FATE1: variants seen among roughly 807,000 people sequenced by gnomAD.
The protein encoded by FATE1 is fetal and adult testis-expressed transcript protein.
Under a neutral mutation model 16.0 loss-of-function variants are expected in FATE1, and 18 were observed. That is an observed-to-expected ratio of 1.12 (90% CI 0.78 to 1.66). FATE1 has a LOEUF of 1.66. Among genes scored for constraint, FATE1 ranks in the 40% most tolerant of loss-of-function variants. FATE1 has a pLI of 0.00. For synonymous variants in FATE1, 76 were observed against 56.9 expected, an observed-to-expected ratio of 1.34 and a Z score of -1.51; for missense variants, 169 against 152.7, an observed-to-expected ratio of 1.11 and a Z score of -0.56.
intron 2 of FATE1, among the ~76,000 whole-genome samples, chrX:151,719,202 T>A (rs955854360): frequency 9.0e-6 from 1 of 110,988 alleles, no homozygotes; most frequent in Non-Finnish European, 1.9e-5. Flanking sequence ...ACTAATTCTA[T>A]TTATTTATTA....
rs2015131492 is a variant in FATE1, at chrX:151,722,905, C to G, written c.*146C>G. On this transcript the variant is annotated 3_prime_UTR_variant, in exon 5 of 5. Transcript: ENST00000370350. ...ATCATTTTCAACTCTGGTTAGGCCTCCTACCTGGGGAGGCCAGGTCACTGC... is the reference window on the plus strand; with the variant it reads ...ATCATTTTCAACTCTGGTTAGGCCTGCTACCTGGGGAGGCCAGGTCACTGC... 1.3e-6 allele frequency: 1 copy of G among 794,098 alleles called. No individual in the cohort carries two copies. Among genetic ancestry groups the G allele is most frequent in the Non-Finnish European group, 1.7e-6 (1 of 573,829 alleles). The allele number at this position is 794,098 out of a possible 1,213,427, so 65.4% of individuals were successfully genotyped here.
At chrX:151,720,137 C>G (rs1274881871) in intron 2 of FATE1, among the ~76,000 whole-genome samples, 4 of 111,760 alleles carry the variant, frequency 3.6e-5, no homozygotes, top group Non-Finnish European at 7.5e-5. Flanking sequence ...GTGTGGATGA[C>G]TGCTTCCTAC....
intron 2 of FATE1, among the ~76,000 whole-genome samples, chrX:151,718,101 A>G (rs892696547): frequency 1.1e-5 from 1 of 88,846 alleles, no homozygotes; most frequent in Admixed American, 1.4e-4. Flanking sequence ...AAAGAAAGAA[A>G]GAGAGAGAGA....
intron 2 of FATE1, among the ~76,000 whole-genome samples, chrX:151,720,585 T>C (rs183199316): frequency 0.01 from 1,122 of 111,974 alleles, 8 homozygotes; most frequent in Non-Finnish European, 0.015. Context: ...TGTGTTTCAG[T>C]TTCCCCTACT....
At chrX:151,716,262 A>G (rs1261225984) in intron 1 of FATE1, 37 bp downstream of exon 1, 4 of 1,087,675 alleles carry the variant, frequency 3.7e-6, no homozygotes, top group East Asian at 3.3e-5. Flanking sequence ...GCTACAGCCA[A>G]CTGTGTAGAT....
rs1569424947 is a variant in FATE1, at chrX:151,718,156, GGAAGGAAGGAAGGA to G, written c.234+758_234+771del. ...AGGAAGGAAGGAAGGAAGGAAGGAAGGAAGGAAGGAAGGAAGGGGAAAAGAAAGGAAAAGGAAAG... is the reference window on the plus strand; with the variant it reads ...AGGAAGGAAGGAAGGAAGGAAGGAAGAGGGGAAAAGAAAGGAAAAGGAAAG... On this transcript the variant is annotated intron_variant, in intron 2 of 4. Transcript: ENST00000370350. 2.0e-3 allele frequency among the ~76,000 whole-genome samples: 178 copies of G among 87,362 alleles called. 4 individuals are homozygous for G. The highest frequency in any genetic ancestry group is 7.0e-3 in the African/African-American group (166 of 23,618). The allele number at this position is 87,362 out of a possible 115,157, so 75.9% of individuals were successfully genotyped here.
chrX:151,722,054 G>T, intron 4 of FATE1, 73 bp downstream of exon 4: 1 of 940,870 alleles, frequency 1.1e-6, no homozygotes, highest in Non-Finnish European at 1.5e-6. Flanking sequence ...CGACAGCTGG[G>T]GTCCTGTAGT....
intron 2 of FATE1, among the ~76,000 whole-genome samples, chrX:151,720,040 T>G (rs774629088): frequency 9.2e-4 from 103 of 112,132 alleles, no homozygotes; most frequent in Non-Finnish European, 1.7e-3. Context: ...GGTTTTATTT[T>G]GTGTCACTTT....
In FATE1 at chrX:151,721,906, C is replaced by T; in HGVS notation, c.345C>T (p.Asn115=). Residue 115 remains asparagine, a synonymous_variant, in exon 4 of 5, where the codon AAC becomes AAT. Transcript: ENST00000370350. ...FQGIRFHYDR[N]PGTDAVAQTS... ...ATCTGTCTTTTTTCTCTCCCAGCAA[C>T]CCAGGGACAGATGCAGTGGCGCAGA... The T allele has an allele frequency of 8.3e-7, 1 of 1,210,333 alleles. No individual in the cohort carries two copies. Among genetic ancestry groups the T allele is most frequent in the Non-Finnish European group, 1.1e-6 (1 of 894,509 alleles).
In FATE1 at chrX:151,722,536, T is replaced by C. The variant is rs772582296; in HGVS notation, c.421-92T>C. On this transcript the variant is annotated intron_variant, in intron 4 of 4. Transcript: ENST00000370350. ...ACCGCCAAAGGGCAATCAAGCCCCT[T>C]CTTGCTCTAACTTTATGCTTTTCCC... 4.8e-5 allele frequency: 56 copies of C among 1,165,816 alleles called. No individual in the cohort carries two copies. The Middle Eastern group carries it at 9.7e-4, about 20-fold the overall frequency.
In FATE1 at chrX:151,722,689, G is replaced by A. The variant is rs771134641; in HGVS notation, c.482G>A (p.Arg161Lys). 57 of 1,211,188 alleles carry A rather than the reference G, an allele frequency of 4.7e-5. No homozygotes were observed. Among genetic ancestry groups the A allele is most frequent in the Admixed American group, 1.1e-4 (5 of 46,067 alleles). The change falls in exon 5 of 5, where the codon AGG (arginine) becomes AAG (lysine). Residue 161 changes from arginine to lysine, a missense_variant. Transcript: ENST00000370350. ...LEEQGATWRH[R>K]ETLIIAVLVS... The stretch of plus-strand genomic sequence containing the variant: ...GAACAGGGCGCCACCTGGCGCCACA[G>A]GGAGACCCTGATCATCGCCGTGCTG...
chrX:151,718,239 GAGAGAA>G (rs2015084014), intron 2 of FATE1, among the ~76,000 whole-genome samples: 1 of 110,757 alleles, frequency 9.0e-6, no homozygotes, highest in African/African-American at 3.3e-5. Flanking sequence ...AAGAAAGAAA[GAGAGAA>G]AGAAAGAAAG....
At chrX:151,718,257 AAGAG>A (rs753308466) in intron 2 of FATE1, among the ~76,000 whole-genome samples, 8 of 111,592 alleles carry the variant, frequency 7.2e-5, no homozygotes, top group Non-Finnish European at 1.5e-4. Context: ...GAAAGAAAGA[AAGAG>A]AAAGAAGAAA....
intron 4 of FATE1, 102 bp downstream of exon 4, chrX:151,722,083 C>A: frequency 1.6e-5 from 12 of 736,724 alleles, no homozygotes; most frequent in Non-Finnish European, 2.5e-5. Context: ...GTCATCTTTC[C>A]CTTTAGCGCT....
chrX:151,720,890 G>A (rs2015109668), intron 2 of FATE1, among the ~76,000 whole-genome samples: 1 of 112,136 alleles, frequency 8.9e-6, no homozygotes, highest in African/African-American at 3.2e-5. Flanking sequence ...GGGAGTTGTT[G>A]GCAGATGGAT....
chrX:151,722,315 A>G (rs2015123738), intron 4 of FATE1, among the ~76,000 whole-genome samples: 1 of 112,132 alleles, frequency 8.9e-6, no homozygotes, highest in Non-Finnish European at 1.9e-5. Context: ...GTTCAAACCA[A>G]ACCCAGACCT....
chrX:151,716,355 C>T lies in FATE1; in HGVS notation c.106+130C>T, dbSNP rs1424297928. ...TTTGCACATCTGTGTGTTGGCCGGG[C>T]TTCGAGGATTTGTGGGTTGATGTAA... On this transcript the variant is annotated intron_variant, in intron 1 of 4. Coordinates refer to ENST00000370350, the MANE Select transcript of FATE1 (RefSeq NM_033085.3). The T allele has an allele frequency of 1.3e-5, 7 of 532,490 alleles. No individual in the cohort carries two copies. In the African/African-American group the frequency reaches 1.7e-4, roughly 13 times the overall value. The allele number at this position is 532,490 out of a possible 1,213,427, so 43.9% of individuals were successfully genotyped here. A position where few individuals can be genotyped will look rare whatever the true frequency, so the allele number is the denominator to read the frequency against.
rs771974546 is a variant in FATE1 at position 151,721,500 on chromosome X, C to G, written c.340C>G (p.Arg114Gly). 4 of 1,203,932 alleles carry G rather than the reference C, an allele frequency of 3.3e-6. No individual in the cohort carries two copies. Among genetic ancestry groups the G allele is most frequent in the Non-Finnish European group, 4.5e-6 (4 of 889,358 alleles). Residue 114 changes from arginine to glycine, a missense_variant and splice_region_variant, in exon 3 of 5, where the codon CGC becomes GGC. Physicochemically the swap from Arg to Gly is moderately radical, Grantham distance 125 (BLOSUM62 -2). Transcript: ENST00000370350. ...CCAAGGCATACGTTTCCATTATGATCGGTAAGAGCTGAGGGTCTGTGGGCC... is the reference window on the plus strand; with the variant it reads ...CCAAGGCATACGTTTCCATTATGATGGGTAAGAGCTGAGGGTCTGTGGGCC... Reference protein sequence around the residue: ...NFQGIRFHYDRNPGTDAVAQT... With the variant: ...NFQGIRFHYDGNPGTDAVAQT...
intron 2 of FATE1, among the ~76,000 whole-genome samples, chrX:151,720,107 C>T (rs907029932): frequency 1.8e-5 from 2 of 111,882 alleles, no homozygotes; most frequent in Non-Finnish European, 3.8e-5. Context: ...AAGTGCCTGG[C>T]TGCCAACCAG....
Sources: gnomAD v4.1 joint callset for allele counts (sites outside exome capture counted in the v4.1 genomes callset) on GRCh38, gnomAD v4.1.1 for gene constraint, MANE v1.5 for transcripts, NCBI Gene and HGNC (gene_info 2026-07-23, HGNC 2026-07-21) for gene names.